RALYL: variants seen among roughly 807,000 people sequenced by gnomAD.
RALYL encodes the protein RALY RNA binding protein like.
In RALYL, 29 loss-of-function variants were observed where a neutral mutation model predicts 35.1. That is an observed-to-expected ratio of 0.83 (90% confidence interval 0.61 to 1.13). RALYL has a LOEUF of 1.13. Ranked by LOEUF, RALYL falls within the 50% of genes most tolerant of loss-of-function variation. The probability of loss-of-function intolerance (pLI) is 0.00; values close to 1 mark genes in which losing one functional copy is unlikely to be tolerated. For synonymous variants in RALYL, 120 were observed against 127.6 expected (o/e 0.94, Z 0.40); for missense variants, 359 against 360.4 (o/e 1.00, Z 0.03).
intron 1 of RALYL, among the ~76,000 whole-genome samples, chr8:84,485,760 A>T (rs2054544571): frequency 6.6e-6 from 1 of 152,114 alleles, no homozygotes; most frequent in African/African-American, 2.4e-5. Context: ...ATGAGTTTAT[A>T]TTCAAAATAT....
chr8:84,514,825 A>G (rs2057929556), intron 1 of RALYL, among the ~76,000 whole-genome samples: 1 of 147,988 alleles, frequency 6.8e-6, no homozygotes, highest in African/African-American at 2.5e-5. Context: ...GGGCCACCCC[A>G]GTAATAGGTT....
chr8:84,523,161 T>G (rs1240690626), intron 1 of RALYL, among the ~76,000 whole-genome samples: 1 of 152,134 alleles, frequency 6.6e-6, no homozygotes, highest in Non-Finnish European at 1.5e-5. Flanking sequence ...GGAAAGGGGT[T>G]TAATGGACTC....
chr8:84,309,011 A>G (rs757721662), intron 1 of RALYL, among the ~76,000 whole-genome samples: 21 of 151,754 alleles, frequency 1.4e-4, no homozygotes, highest in Non-Finnish European at 2.7e-4. Flanking sequence ...TTATAGTGCT[A>G]AAGTATATAC....
rs1387964343 is a variant in RALYL at position 84,568,896 on chromosome 8, T to C, written c.256+39319T>C. On this transcript the variant is annotated intron_variant, in intron 2 of 8. Coordinates refer to ENST00000521268, the MANE Select transcript of RALYL (RefSeq NM_173848.7). The stretch of plus-strand genomic sequence containing the variant: ...ATCCTTTGCCCACTTGTTGATGGGG[T>C]TGTTTTTTTCTTGTAAATTTGTTTG... Among the ~76,000 whole-genome samples the C allele has an allele frequency of 8.4e-3, 1,277 of 151,898 alleles. 17 individuals are homozygous for C. Among genetic ancestry groups the C allele is most frequent in the African/African-American group, 0.029 (1,187 of 41,408 alleles).
intron 2 of RALYL, among the ~76,000 whole-genome samples, chr8:84,711,014 T>C (rs1564414359): frequency 1.3e-5 from 2 of 151,984 alleles, no homozygotes; most frequent in African/African-American, 4.8e-5. Flanking sequence ...TATGGGGAAG[T>C]CAGGAAAAGC....
At chr8:84,479,085 C>CAAAAAAAAAAAAAAAAA (rs56799862) in intron 1 of RALYL, among the ~76,000 whole-genome samples, 2 of 21,826 alleles carry the variant, frequency 9.2e-5, no homozygotes, top group African/African-American at 2.1e-4. Flanking sequence ...GACTCCGTCT[C>CAAAAAAAAAAAAAAAAA]AAAAAAAAAA....
At chr8:84,466,695 T>G (rs1024246540) in intron 1 of RALYL, among the ~76,000 whole-genome samples, 15 of 152,156 alleles carry the variant, frequency 9.9e-5, no homozygotes, top group African/African-American at 3.1e-4. Context: ...TTTCTATTGA[T>G]TAGAATAGTT....
At chr8:84,609,730 G>A (rs1003596063) in intron 2 of RALYL, among the ~76,000 whole-genome samples, 6 of 151,990 alleles carry the variant, frequency 3.9e-5, no homozygotes, top group East Asian at 1.9e-4. Context: ...ATGTATTTCC[G>A]GTAATTATTG....
chr8:84,851,625 TC>T (rs1475669752), intron 5 of RALYL, among the ~76,000 whole-genome samples: 1 of 152,228 alleles, frequency 6.6e-6, no homozygotes, highest in African/African-American at 2.4e-5. Flanking sequence ...GTAACTGTGA[TC>T]CTTGAAAGGG....
intron 2 of RALYL, 36 bp downstream of exon 2, chr8:84,529,613 T>C (rs1302848617): frequency 1.3e-6 from 2 of 1,574,088 alleles, no homozygotes; most frequent in South Asian, 1.2e-5. Context: ...CACGTTATTG[T>C]TCATATATCT....
intron 2 of RALYL, chr8:84,665,977 A>T (rs1331346255): frequency 6.6e-6 from 1 of 152,048 alleles, no homozygotes; most frequent in Non-Finnish European, 1.5e-5. Flanking sequence ...ACAATACTAG[A>T]CCACGTGTTT....
chr8:84,733,353 T>A (rs1846598509), intron 2 of RALYL, among the ~76,000 whole-genome samples: 1 of 152,184 alleles, frequency 6.6e-6, no homozygotes, highest in Non-Finnish European at 1.5e-5. Flanking sequence ...TTCCTTATGC[T>A]ACCAAGTTAA....
intron 4 of RALYL, among the ~76,000 whole-genome samples, chr8:84,815,950 T>C (rs527929704): frequency 1.4e-5 from 2 of 142,540 alleles, no homozygotes; most frequent in South Asian, 2.2e-4. Context: ...AGCAGAATCA[T>C]CTGAACCGGG....
At chr8:84,353,783 G>A (rs1339232087) in intron 1 of RALYL, among the ~76,000 whole-genome samples, 1 of 150,242 alleles carries the variant, frequency 6.7e-6, no homozygotes, top group African/African-American at 2.5e-5. Context: ...GGTTAATAGA[G>A]CTGAGTAATT....
chr8:84,796,294 G>A (rs960339087), intron 3 of RALYL, among the ~76,000 whole-genome samples: 2 of 152,222 alleles, frequency 1.3e-5, no homozygotes, highest in Non-Finnish European at 2.9e-5. Context: ...AGGCCAGCCA[G>A]CACAGAAGCC....
chr8:84,462,876 G>A (rs1435390132), intron 1 of RALYL, among the ~76,000 whole-genome samples: 1 of 151,476 alleles, frequency 6.6e-6, no homozygotes. Flanking sequence ...TCACACTAAG[G>A]GATAGGTGAT....
At chr8:84,310,910 G>T (rs1460421656) in intron 1 of RALYL, among the ~76,000 whole-genome samples, 1 of 144,828 alleles carries the variant, frequency 6.9e-6, no homozygotes, top group South Asian at 2.1e-4. Flanking sequence ...AGCCGGGCGC[G>T]GTGGCGGGCG....
intron 1 of RALYL, among the ~76,000 whole-genome samples, chr8:84,198,138 A>G (rs1230199189): frequency 6.6e-6 from 1 of 152,188 alleles, no homozygotes; most frequent in East Asian, 1.9e-4. Flanking sequence ...CTTTCACTAC[A>G]ATTCATGACA....
In RALYL at chr8:84,844,377, A is replaced by G. The variant is rs565516213; in HGVS notation, c.366-5603A>G. Among the ~76,000 whole-genome samples, 5 of 152,384 alleles carry G rather than the reference A, an allele frequency of 3.3e-5. No homozygotes were observed. The South Asian group carries it at 1.0e-3, about 32-fold the overall frequency. ...AAAAACACATGAAAAAATGCTCACC[A>G]TCACTGGCCATCAGAGAAATGCAAA... On this transcript the variant is annotated intron_variant, in intron 4 of 8. Transcript: ENST00000521268.
Sources: gnomAD v4.1 joint callset for allele counts (sites outside exome capture counted in the v4.1 genomes callset) on GRCh38, gnomAD v4.1.1 for gene constraint, MANE v1.5 for transcripts, NCBI Gene and HGNC (gene_info 2026-07-23, HGNC 2026-07-21) for gene names.